Variants in WDR7 observed in about 807,000 individuals in gnomAD.
The protein encoded by WDR7 is WD repeat-containing protein 7.
A neutral mutation model predicts 169.4 loss-of-function variants in WDR7; 46 were observed. The observed-to-expected ratio is 0.27, with a 90% CI of 0.21 to 0.35. The LOEUF is 0.35. Ranked by LOEUF, WDR7 falls within the 10% of genes least tolerant of loss-of-function variation. The probability of loss-of-function intolerance (pLI) is 1.00; values close to 1 mark genes in which losing one functional copy is unlikely to be tolerated. For synonymous variants in WDR7, 612 were observed against 666.8 expected (o/e 0.92, Z 1.27); for missense variants, 1,534 against 1,859.3 (o/e 0.83, Z 3.22).
intron 19 of WDR7, among the ~76,000 whole-genome samples, chr18:56,814,034 A>G (rs922505524): frequency 6.6e-6 from 1 of 152,178 alleles, no homozygotes. Flanking sequence ...CCCTGTCCCC[A>G]GGAGCTTAGT....
Position 56,880,091 on chromosome 18 carries a change from G to A in WDR7, c.3452G>A (p.Arg1151Gln). 2 of 1,614,054 alleles carry A rather than the reference G, an allele frequency of 1.2e-6. No homozygotes were observed. The highest frequency in any genetic ancestry group is 2.2e-5 in the East Asian group (1 of 44,866). ...IEPPKLLTRP[R>Q]SSSQIPEGFG... ...CCTCCTAAACTATTGACCAGACCTC[G>A]AAGCTCTAGCCAAATTCCTGAGGGA... The change falls in exon 21 of 28, where the codon CGA becomes CAA. Residue 1151 changes from arginine to glutamine, a missense_variant. Transcript: ENST00000254442.
chr18:56,817,645 T>G (rs1291512564), intron 20 of WDR7, among the ~76,000 whole-genome samples: 2 of 152,166 alleles, frequency 1.3e-5, no homozygotes, highest in African/African-American at 2.4e-5. Context: ...AACCTAAATA[T>G]GAACGATTTC....
At chr18:56,736,780 CT>C (rs1023523420) in intron 14 of WDR7, among the ~76,000 whole-genome samples, 4 of 151,766 alleles carry the variant, frequency 2.6e-5, no homozygotes, top group African/African-American at 7.3e-5. Flanking sequence ...AAGAAATTAG[CT>C]TTTGATGGAA....
chr18:56,938,488 C>A, intron 23 of WDR7, 45 bp from the exon 24 acceptor site: 2 of 1,591,548 alleles, frequency 1.3e-6, no homozygotes, highest in African/African-American at 1.4e-5. Context: ...AAATGTAAAA[C>A]TATATCAGTG....
intron 20 of WDR7, among the ~76,000 whole-genome samples, chr18:56,876,737 A>G (rs1405058094): frequency 6.6e-6 from 1 of 152,250 alleles, no homozygotes; most frequent in Non-Finnish European, 1.5e-5. Context: ...AATAGTGGAA[A>G]TAAGTGAGTT....
At chr18:56,846,795 C>T (rs2045575286) in intron 20 of WDR7, among the ~76,000 whole-genome samples, 1 of 152,206 alleles carries the variant, frequency 6.6e-6, no homozygotes, top group Admixed American at 6.5e-5. Flanking sequence ...TTTCCTGAGG[C>T]TCTCACCAGA....
At chr18:56,744,878 A>G (rs908043252) in intron 14 of WDR7, among the ~76,000 whole-genome samples, 1 of 152,170 alleles carries the variant, frequency 6.6e-6, no homozygotes, top group Non-Finnish European at 1.5e-5. Context: ...GAGTGGGGAT[A>G]TTAGCATTTA....
At chr18:56,719,775 CTG>C (rs560842504) in intron 13 of WDR7, among the ~76,000 whole-genome samples, 32 of 152,288 alleles carry the variant, frequency 2.1e-4, no homozygotes, top group Admixed American at 3.3e-4. Flanking sequence ...CTAGCTAACA[CTG>C]TGATCTATTC....
chr18:56,978,745 A>G lies in WDR7; in HGVS notation c.4164+16216A>G, dbSNP rs186818301. On this transcript the variant is annotated intron_variant, in intron 26 of 27. Coordinates refer to ENST00000254442, the MANE Select transcript of WDR7 (RefSeq NM_015285.3). Reference sequence around the variant, plus strand: ...TATCAGAATCATGTAGGAAATTTCAAAATAGACTCCTCCTTCCTCAGACGT... The same window carrying G: ...TATCAGAATCATGTAGGAAATTTCAGAATAGACTCCTCCTTCCTCAGACGT... Among the ~76,000 whole-genome samples, 5 of 152,294 alleles carry G rather than the reference A, an allele frequency of 3.3e-5. No individual in the cohort carries two copies. In the East Asian group the frequency reaches 7.7e-4, roughly 24 times the overall value.
intron 20 of WDR7, among the ~76,000 whole-genome samples, chr18:56,829,956 A>G (rs906366666): frequency 3.9e-5 from 6 of 152,242 alleles, no homozygotes; most frequent in Admixed American, 2.0e-4. Context: ...GAAAATAACA[A>G]CACAGAGTTT....
chr18:56,995,677 A>G (rs750085605), intron 26 of WDR7, among the ~76,000 whole-genome samples: 1 of 152,164 alleles, frequency 6.6e-6, no homozygotes, highest in Non-Finnish European at 1.5e-5. Context: ...AAAACATTAC[A>G]AAGTTATTTT....
At chr18:56,841,829 G>C (rs148484793) in intron 20 of WDR7, among the ~76,000 whole-genome samples, 1 of 152,188 alleles carries the variant, frequency 6.6e-6, no homozygotes, top group African/African-American at 2.4e-5. Flanking sequence ...AGGATGCTGG[G>C]GTTGAATCTT....
intron 19 of WDR7, among the ~76,000 whole-genome samples, chr18:56,785,043 G>C (rs544405476): frequency 6.6e-6 from 1 of 152,038 alleles, no homozygotes; most frequent in Non-Finnish European, 1.5e-5. Flanking sequence ...ACTCGTTTTA[G>C]TTTGCTTTAC....
At chr18:56,864,799 A>G (rs1196959231) in intron 20 of WDR7, among the ~76,000 whole-genome samples, 1 of 151,926 alleles carries the variant, frequency 6.6e-6, no homozygotes, top group East Asian at 1.9e-4. Flanking sequence ...TTCAGGATCA[A>G]AGCCAAGATT....
In WDR7 at chr18:56,724,185, A is replaced by G. The variant is rs561823948; in HGVS notation, c.1774+6026A>G. On this transcript the variant is annotated intron_variant, in intron 13 of 27. Coordinates refer to ENST00000254442, the MANE Select transcript of WDR7 (RefSeq NM_015285.3). ...ATTTTTTTTTTTTCACTCAGTATTG[A>G]TCATTTTTTTGACATGCCTGGTAAT... is the stretch of plus-strand genomic sequence containing the variant. Among the ~76,000 whole-genome samples the G allele has an allele frequency of 2.1e-4, 26 of 121,834 alleles. 2 individuals carry two copies. In the Middle Eastern group the frequency reaches 0.014, roughly 65 times the overall value. The allele number at this position is 121,834 out of a possible 152,430, so 79.9% of individuals were successfully genotyped here.
At chr18:56,819,151 AC>A (rs1344190411) in intron 20 of WDR7, among the ~76,000 whole-genome samples, 6 of 152,200 alleles carry the variant, frequency 3.9e-5, no homozygotes, top group African/African-American at 1.4e-4. Context: ...CTGTTTTATG[AC>A]AGTTGAATCT....
chr18:56,918,326 A>C (rs1333278922), intron 21 of WDR7, among the ~76,000 whole-genome samples: 1 of 152,166 alleles, frequency 6.6e-6, no homozygotes, highest in Non-Finnish European at 1.5e-5. Flanking sequence ...TTCTCAATAA[A>C]GAGTCAGTGA....
chr18:56,882,726 A>G (rs2046126668), intron 21 of WDR7, among the ~76,000 whole-genome samples: 1 of 152,216 alleles, frequency 6.6e-6, no homozygotes, highest in African/African-American at 2.4e-5. Flanking sequence ...TTGTGCTTCT[A>G]AAACTACCTA....
intron 1 of WDR7, among the ~76,000 whole-genome samples, chr18:56,660,696 C>T (rs948741797): frequency 9.3e-5 from 14 of 150,622 alleles, no homozygotes; most frequent in Non-Finnish European, 1.8e-4. Context: ...AGAAAGGAGA[C>T]TAAAGCTAGA....
Sources: gnomAD v4.1 joint callset for allele counts (sites outside exome capture counted in the v4.1 genomes callset) on GRCh38, gnomAD v4.1.1 for gene constraint, MANE v1.5 for transcripts, NCBI Gene and HGNC (gene_info 2026-07-23, HGNC 2026-07-21) for gene names.